LAMC1: variants seen among roughly 807,000 people sequenced by gnomAD.
LAMC1 encodes laminin subunit gamma-1.
A neutral mutation model predicts 173.6 loss-of-function variants in LAMC1; 38 were observed. The ratio of observed to expected loss-of-function variants is 0.22; its 90% CI spans 0.17 to 0.29. The LOEUF is 0.29. LAMC1 is among the 10% of genes least tolerant of loss of function. The probability of loss-of-function intolerance (pLI) is 1.00; values close to 1 mark genes in which losing one functional copy is unlikely to be tolerated. For synonymous variants in LAMC1, 746 were observed against 749.1 expected, an observed-to-expected ratio of 1.00 and a Z score of 0.07; for missense variants, 1,824 against 2,051.8, an observed-to-expected ratio of 0.89 and a Z score of 2.14.
intron 20 of LAMC1, among the ~76,000 whole-genome samples, 171 bp downstream of exon 20, chr1:183,131,549 A>G (rs1433490464): frequency 6.6e-6 from 1 of 151,950 alleles, no homozygotes; most frequent in Non-Finnish European, 1.5e-5. Flanking sequence ...TCAGCTGTGT[A>G]TACTCTTTTC....
intron 1 of LAMC1, among the ~76,000 whole-genome samples, chr1:183,090,937 T>A (rs12078729): frequency 0.51 from 78,021 of 151,954 alleles, 20,689 homozygotes; most frequent in South Asian, 0.64. Context: ...GAGCTAAAGG[T>A]TATTATTACA....
At chr1:183,085,938 T>C (rs1488239232) in intron 1 of LAMC1, among the ~76,000 whole-genome samples, 1 of 152,186 alleles carries the variant, frequency 6.6e-6, no homozygotes, top group Non-Finnish European at 1.5e-5. Context: ...TTTTCACTTA[T>C]CACTGGACAT....
At position 183,126,265 on chromosome 1, in the gene LAMC1, A is replaced by G; in HGVS notation, c.2944+3A>G. 1 of 1,613,424 alleles carries G rather than the reference A, an allele frequency of 6.2e-7. No individual in the cohort carries two copies. The highest frequency in any genetic ancestry group is 8.5e-7 in the Non-Finnish European group (1 of 1,179,762). ...GTTTGGACCTGAAGGCTGCAAACGT[A>G]AGGGGTGTTGGTGGCATACAACTCT... On this transcript the variant is annotated splice_donor_region_variant and intron_variant, in intron 16 of 27. Transcript: ENST00000258341.
chr1:183,072,296 T>C (rs1013273519), intron 1 of LAMC1, among the ~76,000 whole-genome samples: 1 of 152,248 alleles, frequency 6.6e-6, no homozygotes, highest in Non-Finnish European at 1.5e-5. Flanking sequence ...GGACATTTAA[T>C]TCAAGTGTTC....
At position 183,110,605 on chromosome 1, in the gene LAMC1, T is replaced by C. The variant is rs752728457; in HGVS notation, c.972T>C (p.Asn324=). The C allele has an allele frequency of 6.2e-7, 1 of 1,614,080 alleles. No homozygotes were observed. Among genetic ancestry groups the C allele is most frequent in the Admixed American group, 1.7e-5 (1 of 60,014 alleles). ...VDCEKCLPFF[N]DRPWRRATAE... is the part of the protein sequence containing the mutation. Reference sequence around the variant, plus strand: ...GTGAAAAGTGTCTTCCTTTCTTCAATGACCGGCCGTGGAGGAGGGCAACTG... The same window carrying C: ...GTGAAAAGTGTCTTCCTTTCTTCAACGACCGGCCGTGGAGGAGGGCAACTG... Residue 324 remains asparagine, a synonymous_variant, in exon 4 of 28, where the codon AAT becomes AAC. Coordinates refer to ENST00000258341, the MANE Select transcript of LAMC1 (RefSeq NM_002293.4).
intron 11 of LAMC1, among the ~76,000 whole-genome samples, chr1:183,121,087 A>G (rs1656457507): frequency 6.6e-6 from 1 of 152,140 alleles, no homozygotes. Context: ...GGACTGTAAA[A>G]TTCAGCAAAT....
rs138321077 is a variant in LAMC1 at position 183,144,403 on chromosome 1, T to C, written c.*1613T>C. 80 of 152,764 alleles carry C rather than the reference T, an allele frequency of 5.2e-4. 1 individual carries two copies. Among genetic ancestry groups the C allele is most frequent in the African/African-American group, 1.8e-3 (75 of 41,578 alleles). 9.5% of individuals were successfully genotyped at this position (152,764 alleles called of 1,614,324 possible). On this transcript the variant is annotated 3_prime_UTR_variant, in exon 28 of 28. Transcript: ENST00000258341. ...ACTTTGCTCAATTTTTCCTCTTCAC[T>C]GGCACAATGTATCTGAATACCTCCT... is the stretch of plus-strand genomic sequence containing the variant.
At chr1:183,046,599 ACTTT>A (rs1375479021) in intron 1 of LAMC1, among the ~76,000 whole-genome samples, 1 of 152,016 alleles carries the variant, frequency 6.6e-6, no homozygotes, top group African/African-American at 2.4e-5. Context: ...TCTGAATTAC[ACTTT>A]CTAACTCTTT....
At chr1:183,140,367 TAC>T (rs747472673) in intron 26 of LAMC1, 35 bp from the exon 27 acceptor site, 12 of 1,232,854 alleles carry the variant, frequency 9.7e-6, no homozygotes, top group Non-Finnish European at 1.4e-5. Flanking sequence ...GATGAAAACA[TAC>T]AGTCAAGACT....
chr1:183,108,521 A>T (rs1656053428), intron 3 of LAMC1, 115 bp downstream of exon 3: 1 of 885,786 alleles, frequency 1.1e-6, no homozygotes, highest in Non-Finnish European at 1.7e-6. Context: ...CTTTACCAAG[A>T]ATAGGAGCGG....
intron 2 of LAMC1, among the ~76,000 whole-genome samples, chr1:183,105,224 CAAAAA>C (rs35512159): frequency 2.3e-5 from 1 of 42,852 alleles, no homozygotes; most frequent in African/African-American, 8.9e-5. Context: ...GACTCCATCT[CAAAAA>C]AAAAAAAAAA....
At chr1:183,098,664 G>A (rs1655755459) in intron 1 of LAMC1, among the ~76,000 whole-genome samples, 1 of 152,098 alleles carries the variant, frequency 6.6e-6, no homozygotes, top group Non-Finnish European at 1.5e-5. Flanking sequence ...ATTACTCCCT[G>A]TCTTTGCCGC....
chr1:183,084,125 T>A (rs1655360764), intron 1 of LAMC1, among the ~76,000 whole-genome samples: 1 of 152,052 alleles, frequency 6.6e-6, no homozygotes, highest in Non-Finnish European at 1.5e-5. Context: ...GAGGCTGAGG[T>A]GGGCGGATCA....
At chr1:183,074,746 A>T (rs1163129576) in intron 1 of LAMC1, among the ~76,000 whole-genome samples, 1 of 152,174 alleles carries the variant, frequency 6.6e-6, no homozygotes, top group East Asian at 1.9e-4. Flanking sequence ...TTATACCTTT[A>T]ATCCCCAATC....
intron 1 of LAMC1, among the ~76,000 whole-genome samples, chr1:183,038,317 G>A (rs1654036705): frequency 6.6e-6 from 1 of 152,166 alleles, no homozygotes; most frequent in Non-Finnish European, 1.5e-5. Flanking sequence ...GTGAGCCACT[G>A]CTCCTGGCCC....
At chr1:183,036,065 A>G (rs2102010806) in intron 1 of LAMC1, among the ~76,000 whole-genome samples, 1 of 151,120 alleles carries the variant, frequency 6.6e-6, no homozygotes, top group East Asian at 1.9e-4. Context: ...TTCCTGGAAA[A>G]CTACCCTCAC....
chr1:183,108,182 A>T (rs1206731981), intron 2 of LAMC1, 94 bp from the exon 3 acceptor site: 1 of 1,179,298 alleles, frequency 8.5e-7, no homozygotes, highest in African/African-American at 1.5e-5. Context: ...AAGTTAAATG[A>T]TAATAAGTTA....
rs1465253144 is a variant in LAMC1 at position 183,132,385 on chromosome 1, G to A, written c.3567-15G>A. On this transcript the variant is annotated splice_polypyrimidine_tract_variant and intron_variant, in intron 20 of 27. Coordinates refer to ENST00000258341, the MANE Select transcript of LAMC1 (RefSeq NM_002293.4). ...ATGGTTGTTTCATGGCTTATTTTTT[G>A]TTTTATCTGTATAGTCATAAACAGG... is the stretch of plus-strand genomic sequence containing the variant. 8 of 1,578,402 alleles carry A rather than the reference G, an allele frequency of 5.1e-6. No individual in the cohort carries two copies. Among genetic ancestry groups the A allele is most frequent in the Non-Finnish European group, 6.8e-6 (8 of 1,168,232 alleles).
At chr1:183,122,013 C>A in intron 12 of LAMC1, 50 bp from the exon 13 acceptor site, 1 of 1,608,576 alleles carries the variant, frequency 6.2e-7, no homozygotes, top group Non-Finnish European at 8.5e-7. Flanking sequence ...TGCTCATTGT[C>A]TTATATACTT....
Sources: gnomAD v4.1 joint callset for allele counts (sites outside exome capture counted in the v4.1 genomes callset) on GRCh38, gnomAD v4.1.1 for gene constraint, MANE v1.5 for transcripts, NCBI Gene and HGNC (gene_info 2026-07-23, HGNC 2026-07-21) for gene names.